The following ATR variants were observed in gnomAD, a reference collection of about 807,000 sequenced individuals.
ATR encodes ATR checkpoint kinase, also known as serine/threonine-protein kinase ATR.
A neutral mutation model predicts 305.3 loss-of-function variants in ATR; 142 were observed. The observed-to-expected ratio is 0.47, with a 90% CI of 0.41 to 0.53. ATR has a LOEUF of 0.53. Ranked by LOEUF, ATR falls within the 20% of genes least tolerant of loss-of-function variation. The probability of loss-of-function intolerance (pLI) is 0.00; values close to 1 mark genes in which losing one functional copy is unlikely to be tolerated. For synonymous variants in ATR, 1,050 were observed against 1,068.1 expected (o/e 0.98, Z 0.33); for missense variants, 2,135 against 3,133.1 (o/e 0.68, Z 7.60).
chr3:142,565,733 T>TTAA (rs774196690), intron 3 of ATR, among the ~76,000 whole-genome samples: 1 of 79,324 alleles, frequency 1.3e-5, no homozygotes, highest in Non-Finnish European at 2.3e-5. Context: ...CTGTCTTATT[T>TTAA]AAAAAAAAAA....
chr3:142,481,506 G>A (rs2030483082), intron 36 of ATR, among the ~76,000 whole-genome samples: 1 of 152,178 alleles, frequency 6.6e-6, no homozygotes, highest in South Asian at 2.1e-4. Flanking sequence ...TCAATGCAAA[G>A]AAGTACACTT....
At chr3:142,466,981 TGTTA>T (rs149513039) in intron 39 of ATR, among the ~76,000 whole-genome samples, 3 of 152,240 alleles carry the variant, frequency 2.0e-5, no homozygotes, top group African/African-American at 7.2e-5. Flanking sequence ...CTTACAACAG[TGTTA>T]GTGTTTTAAT....
At chr3:142,545,267 A>T (rs1207944419) in intron 16 of ATR, among the ~76,000 whole-genome samples, 1 of 152,186 alleles carries the variant, frequency 6.6e-6, no homozygotes, top group Non-Finnish European at 1.5e-5. Flanking sequence ...GAAAATAAAC[A>T]CAATCCTGTG....
At chr3:142,551,869 T>C (rs1313351112) in intron 13 of ATR, among the ~76,000 whole-genome samples, 1 of 152,118 alleles carries the variant, frequency 6.6e-6, no homozygotes, top group East Asian at 1.9e-4. Flanking sequence ...TAAACTATCA[T>C]CACAGTGGAC....
chr3:142,555,839 A>G, intron 10 of ATR, 38 bp downstream of exon 10: 1 of 1,574,556 alleles, frequency 6.4e-7, no homozygotes, highest in Non-Finnish European at 8.6e-7. Context: ...CAGAGCTTAA[A>G]TAGGTTTTAA....
chr3:142,450,186 C>T (rs1437781667), intron 46 of ATR: 16 of 490,234 alleles, frequency 3.3e-5, no homozygotes, highest in South Asian at 8.1e-5. Flanking sequence ...TCGACTTTTC[C>T]GCCAAGAGCC....
chr3:142,556,407 C>A lies in ATR; in HGVS notation c.2054G>T (p.Cys685Phe). The A allele has an allele frequency of 6.2e-7, 1 of 1,613,980 alleles. No homozygotes were observed. Among genetic ancestry groups the A allele is most frequent in the Non-Finnish European group, 8.5e-7 (1 of 1,179,910 alleles). ...FFILLQQQNS[C>F]NRVPKILIDK... ...CATAAGAATCTTGGGAACTCTGTTA[C>A]AAGAATTCTGCTGCTGCAATAAGAT... Residue 685 changes from cysteine (C) to phenylalanine (F), a missense_variant, in exon 9 of 47, where the codon TGT becomes TTT. Transcript: ENST00000350721.
intron 35 of ATR, among the ~76,000 whole-genome samples, chr3:142,492,462 T>A (rs892336004): frequency 2.0e-5 from 3 of 152,222 alleles, no homozygotes; most frequent in African/African-American, 7.2e-5. Context: ...GGAACTACTC[T>A]GTTTAACTTT....
chr3:142,474,312 A>G (rs1478441344), intron 36 of ATR, among the ~76,000 whole-genome samples: 1 of 152,182 alleles, frequency 6.6e-6, no homozygotes, highest in Non-Finnish European at 1.5e-5. Flanking sequence ...TTGAATCTGT[A>G]GATCACTTTG....
At position 142,578,716 on chromosome 3, in the gene ATR, G is replaced by T. The variant is rs774385622; in HGVS notation, c.-12C>A. 1 of 1,611,142 alleles carries T rather than the reference G, an allele frequency of 6.2e-7. No homozygotes were observed. Among genetic ancestry groups the T allele is most frequent in the Non-Finnish European group, 8.5e-7 (1 of 1,179,452 alleles). On this transcript the variant is annotated 5_prime_UTR_variant, in exon 1 of 47. Transcript: ENST00000350721. ...CCATGTTCCCCCATGCTGAGGCTGC[G>T]AGGCACTAGTCAACCACGCCAACGC...
At chr3:142,464,990 A>G in intron 41 of ATR, 107 bp downstream of exon 41, 1 of 641,458 alleles carries the variant, frequency 1.6e-6, no homozygotes, top group South Asian at 6.0e-5. Flanking sequence ...TCAGATTGAT[A>G]GTAATTATAG....
At chr3:142,515,951 G>A (rs2032843446) in intron 24 of ATR, among the ~76,000 whole-genome samples, 1 of 152,166 alleles carries the variant, frequency 6.6e-6, no homozygotes, top group African/African-American at 2.4e-5. Flanking sequence ...ACTTAATCAA[G>A]CTCAGAAGTT....
At chr3:142,492,772 G>A (rs1484515718) in intron 35 of ATR, among the ~76,000 whole-genome samples, 1 of 152,004 alleles carries the variant, frequency 6.6e-6, no homozygotes, top group Non-Finnish European at 1.5e-5. Flanking sequence ...ATGGATTATT[G>A]AGAGGTATAT....
At chr3:142,515,342 C>A in intron 25 of ATR, 53 bp downstream of exon 25, 1 of 1,603,660 alleles carries the variant, frequency 6.2e-7, no homozygotes, top group South Asian at 1.1e-5. Context: ...GATAGATGTT[C>A]TGGTTTCCTT....
chr3:142,556,646 A>G, intron 8 of ATR, 71 bp from the exon 9 acceptor site: 2 of 1,363,908 alleles, frequency 1.5e-6, no homozygotes, highest in South Asian at 1.3e-5. Flanking sequence ...ATACATATAT[A>G]TAAGTAAAGT....
Position 142,514,358 on chromosome 3 carries a change from G to A in ATR, c.4504-720C>T, listed in dbSNP as rs181980106. Reference sequence around the variant, plus strand: ...GAAATGTTAATTAAAGGTGGGGCACGGTGGCTCACGCCTGTAATACCAGTA... The same window carrying A: ...GAAATGTTAATTAAAGGTGGGGCACAGTGGCTCACGCCTGTAATACCAGTA... On this transcript the variant is annotated intron_variant, in intron 25 of 46. Transcript: ENST00000350721. 1.0e-3 allele frequency among the ~76,000 whole-genome samples: 157 copies of A among 151,992 alleles called. 1 individual carries two copies. The highest frequency in any genetic ancestry group is 3.6e-3 in the African/African-American group (148 of 41,462).
intron 34 of ATR, among the ~76,000 whole-genome samples, chr3:142,494,982 G>A (rs13092593): frequency 0.34 from 51,931 of 151,972 alleles, 9,407 homozygotes; most frequent in Middle Eastern, 0.44. Flanking sequence ...GAGGATTCAA[G>A]AGATATTTCT....
At chr3:142,559,967 A>G (rs2034817536) in intron 6 of ATR, among the ~76,000 whole-genome samples, 1 of 152,214 alleles carries the variant, frequency 6.6e-6, no homozygotes, top group African/African-American at 2.4e-5. Flanking sequence ...TGTCCCCAGG[A>G]AAGTCAGTTT....
At chr3:142,454,677 G>A (rs1160785324) in intron 45 of ATR, among the ~76,000 whole-genome samples, 1 of 151,756 alleles carries the variant, frequency 6.6e-6, no homozygotes, top group African/African-American at 2.4e-5. Flanking sequence ...TCCTGACCTC[G>A]TGATCCGCCC....
Sources: gnomAD v4.1 joint callset for allele counts (sites outside exome capture counted in the v4.1 genomes callset) on GRCh38, gnomAD v4.1.1 for gene constraint, MANE v1.5 for transcripts, NCBI Gene and HGNC (gene_info 2026-07-23, HGNC 2026-07-21) for gene names.